The following WDR11 variants were observed in gnomAD, a reference collection of about 807,000 sequenced individuals.
WDR11 encodes the protein WD repeat-containing protein 11.
WDR11 carries 83 observed loss-of-function variants against 151.2 expected under a neutral mutation model. The observed-to-expected ratio is 0.55, with a 90% CI of 0.46 to 0.66. The LOEUF (loss-of-function observed/expected upper bound fraction) is 0.66. WDR11 is among the 30% of genes least tolerant of loss of function. WDR11 has a pLI of 0.00. For missense variants in WDR11, 1,301 were observed against 1,480.9 expected, an observed-to-expected ratio of 0.88 and a Z score of 1.99; for synonymous variants, 484 against 533.1, an observed-to-expected ratio of 0.91 and a Z score of 1.27.
rs752278212 is a variant in WDR11 at position 120,903,072 on chromosome 10, C to T, written c.2771C>T (p.Ser924Leu). The T allele has an allele frequency of 7.4e-6, 12 of 1,614,022 alleles. No homozygotes were observed. The South Asian group carries it at 9.9e-5, about 13-fold the overall frequency. ...LLVSRLYGDE[S>L]ELHFWTVAAH... Reference sequence around the variant, plus strand: ...CTTGCCAGGCTCTATGGTGATGAATCGGAGCTGCACTTCTGGACTGTCGCT... The same window carrying T: ...CTTGCCAGGCTCTATGGTGATGAATTGGAGCTGCACTTCTGGACTGTCGCT... Residue 924 changes from serine to leucine, a missense_variant, in exon 23 of 29, where the codon TCG (serine) becomes TTG (leucine). Ser to Leu is a moderately radical substitution (Grantham distance 145). Around this residue, in one of 3 missense-constraint regions of WDR11, gnomAD observed 589 missense variants for 670.6 expected, o/e 0.88. Transcript: ENST00000263461.
chr10:120,894,268 C>T (rs1847528101), intron 19 of WDR11, among the ~76,000 whole-genome samples: 1 of 152,154 alleles, frequency 6.6e-6, no homozygotes, highest in African/African-American at 2.4e-5. Context: ...GTGTTAAAGG[C>T]CACTGCTAAG....
chr10:120,883,243 A>G (rs1847089637), intron 13 of WDR11, among the ~76,000 whole-genome samples: 1 of 152,124 alleles, frequency 6.6e-6, no homozygotes, highest in African/African-American at 2.4e-5. Flanking sequence ...TTTGCTGATA[A>G]TATTTTAGTT....
intron 26 of WDR11, 178 bp downstream of exon 26, chr10:120,905,594 A>T: frequency 2.5e-6 from 2 of 789,534 alleles, no homozygotes; most frequent in Non-Finnish European, 4.1e-6. Context: ...TTACTTATTT[A>T]AAAATGGATC....
chr10:120,892,457 A>G (rs1024767105), intron 19 of WDR11, among the ~76,000 whole-genome samples: 4 of 152,240 alleles, frequency 2.6e-5, no homozygotes, highest in African/African-American at 9.6e-5. Context: ...AATGAAAACT[A>G]TGGTAGTGTA....
Position 120,869,268 on chromosome 10 carries a change from G to A in WDR11, c.1295-1902G>A, listed in dbSNP as rs941424800. On this transcript the variant is annotated intron_variant, in intron 9 of 28. Coordinates refer to ENST00000263461, the MANE Select transcript of WDR11 (RefSeq NM_018117.12). ...TGGGACTACAGGCGCCCGCCACCAC[G>A]CCCGGCTAATTTTTTTGTGTTTTTT... Among the ~76,000 whole-genome samples, 15 of 151,788 alleles carry A rather than the reference G, an allele frequency of 9.9e-5. No individual in the cohort carries two copies. In the East Asian group the frequency reaches 1.2e-3, roughly 12 times the overall value.
rs754425540 is a variant in WDR11 at position 120,878,435 on chromosome 10, C to A, written c.1639C>A (p.Leu547Ile). Residue 547 changes from leucine to isoleucine, a missense_variant, in exon 12 of 29, where the codon CTT becomes ATT. Around this residue, in one of 3 missense-constraint regions of WDR11, gnomAD observed 692 missense variants for 762.5 expected, o/e 0.91. Coordinates refer to ENST00000263461, the MANE Select transcript of WDR11 (RefSeq NM_018117.12). The stretch of plus-strand genomic sequence containing the variant: ...CAATATGGGATTAGTGAGAAATGAA[C>A]TTCAACTGGTTGATCTTCCAACAGG... ...PNNMGLVRNE[L>I]QLVDLPTGRS... The A allele has an allele frequency of 3.1e-6, 5 of 1,613,158 alleles. No homozygotes were observed. The highest frequency in any genetic ancestry group is 4.2e-6 in the Non-Finnish European group (5 of 1,179,442).
Position 120,874,222 on chromosome 10 carries a change from GTT to G in WDR11, c.1556+302_1556+303del. 2.0e-5 allele frequency among the ~76,000 whole-genome samples: 2 copies of G among 100,634 alleles called. 1 individual carries two copies. The highest frequency in any genetic ancestry group is 6.7e-4 in the East Asian group (2 of 2,972). 66.0% of individuals were successfully genotyped at this position (100,634 alleles called of 152,430 possible). ...TTGTTGTTGTTGTTTGTTTTGTTTT[GTT>G]TTGTTTTTTTTAAATGGCAAAAAAC... is the stretch of plus-strand genomic sequence containing the variant. On this transcript the variant is annotated intron_variant, in intron 11 of 28. Coordinates refer to ENST00000263461, the MANE Select transcript of WDR11 (RefSeq NM_018117.12).
At chr10:120,853,767 A>G (rs1845858514) in intron 2 of WDR11, among the ~76,000 whole-genome samples, 1 of 152,206 alleles carries the variant, frequency 6.6e-6, no homozygotes, top group South Asian at 2.1e-4. Context: ...AAGAGCAGCA[A>G]AGAGGTAAAC....
At chr10:120,905,503 T>C in intron 26 of WDR11, 87 bp downstream of exon 26, 1 of 1,425,488 alleles carries the variant, frequency 7.0e-7, no homozygotes, top group East Asian at 2.3e-5. Flanking sequence ...CTTAGAAACA[T>C]TTTTTGGCCT....
intron 4 of WDR11, among the ~76,000 whole-genome samples, chr10:120,861,899 A>T (rs1288440884): frequency 6.6e-6 from 1 of 152,134 alleles, no homozygotes; most frequent in Non-Finnish European, 1.5e-5. Context: ...TGGGCCCACT[A>T]CTGTTTTCTA....
At chr10:120,867,001 T>C in intron 8 of WDR11, 65 bp from the exon 9 acceptor site, 2 of 1,354,030 alleles carry the variant, frequency 1.5e-6, no homozygotes, top group Non-Finnish European at 2.1e-6. Flanking sequence ...CTTAATACTT[T>C]GAATTCCTAA....
At chr10:120,862,312 G>C (rs55927877) in intron 4 of WDR11, 40,345 of 169,736 alleles carry the variant, frequency 0.24, 5,338 homozygotes, top group African/African-American at 0.35. Context: ...GCTAATTTTT[G>C]TATTTTTGGT....
rs1433351043 is a variant in WDR11, at chr10:120,866,974, G to A, written c.1191-92G>A. 8.7e-6 allele frequency: 10 copies of A among 1,150,354 alleles called. 1 individual carries two copies. The South Asian group carries it at 1.3e-4, about 15-fold the overall frequency. 71.3% of individuals were successfully genotyped at this position (1,150,354 alleles called of 1,614,324 possible). ...TGAATGAATAATATAAAAATAGATA[G>A]AATGCCATAATCTGGACTTAATACT... is the stretch of plus-strand genomic sequence containing the variant. On this transcript the variant is annotated intron_variant, in intron 8 of 28. Transcript: ENST00000263461.
In WDR11 at chr10:120,862,779, T is replaced by C; in HGVS notation, c.571T>C (p.Ser191Pro). 1 of 1,614,104 alleles carries C rather than the reference T, an allele frequency of 6.2e-7. No homozygotes were observed. Among genetic ancestry groups the C allele is most frequent in the Non-Finnish European group, 8.5e-7 (1 of 1,180,014 alleles). Reference sequence around the variant, plus strand: ...TGTTTTCATCTCAGACTTCTCCCCATCCAAGCCTCCCTCAGGCCCTGGGAA... The same window carrying C: ...TGTTTTCATCTCAGACTTCTCCCCACCCAAGCCTCCCTCAGGCCCTGGGAA... Reference protein sequence around the residue: ...GIVFISDFSPSKPPSGPGKKV... With the variant: ...GIVFISDFSPPKPPSGPGKKV... Residue 191 changes from serine to proline, a missense_variant, in exon 5 of 29, where the codon TCC (serine) becomes CCC (proline). Transcript: ENST00000263461.
intron 15 of WDR11, 31 bp from the exon 16 acceptor site, chr10:120,886,658 C>G (rs767465830): frequency 3.1e-6 from 5 of 1,597,346 alleles, no homozygotes. Flanking sequence ...GAAAAAAAAA[C>G]ATCTTTATCA....
chr10:120,858,893 A>G (rs1156423330), intron 3 of WDR11, 97 bp downstream of exon 3: 1 of 1,463,468 alleles, frequency 6.8e-7, no homozygotes, highest in Admixed American at 1.9e-5. Flanking sequence ...ATTTAATTTT[A>G]TCAATTCCAA....
At chr10:120,875,018 A>G (rs1024357849) in intron 11 of WDR11, among the ~76,000 whole-genome samples, 3 of 150,978 alleles carry the variant, frequency 2.0e-5, no homozygotes, top group Non-Finnish European at 4.4e-5. Context: ...CGCTGTGTCT[A>G]TGTGTTCTCA....
intron 11 of WDR11, among the ~76,000 whole-genome samples, chr10:120,878,094 T>C (rs1002332799): frequency 9.8e-5 from 15 of 152,338 alleles, no homozygotes; most frequent in African/African-American, 3.4e-4. Context: ...GTCATACTAA[T>C]ACTGATGTGA....
intron 8 of WDR11, 112 bp downstream of exon 8, chr10:120,866,876 A>G: frequency 7.8e-7 from 1 of 1,286,658 alleles, no homozygotes; most frequent in Non-Finnish European, 1.1e-6. Flanking sequence ...AATATTTTTA[A>G]GGTAATAATT....
Sources: allele counts gnomAD v4.1 joint callset (sites outside exome capture counted in the v4.1 genomes callset), GRCh38; gene constraint gnomAD v4.1.1; regional missense constraint gnomAD v4.1.1; transcripts MANE v1.5; gene names NCBI Gene and HGNC (gene_info 2026-07-23, HGNC 2026-07-21).